TENM2: variants seen among roughly 807,000 people sequenced by gnomAD.
The protein encoded by TENM2 is teneurin transmembrane protein 2.
A neutral mutation model predicts 245.2 loss-of-function variants in TENM2; 52 were observed. The observed-to-expected ratio is 0.21, with a 90% CI of 0.17 to 0.27. The LOEUF (loss-of-function observed/expected upper bound fraction) is 0.27. Among genes scored for constraint, TENM2 ranks in the 10% least tolerant of loss-of-function variants. TENM2 has a pLI of 1.00. For synonymous variants in TENM2, 1,363 were observed against 1,438.9 expected (o/e 0.95, Z 1.19); for missense variants, 3,046 against 3,666.8 (o/e 0.83, Z 4.37).
intron 2 of TENM2, among the ~76,000 whole-genome samples, chr5:167,857,310 T>C (rs531475581): frequency 2.0e-5 from 3 of 152,348 alleles, no homozygotes; most frequent in East Asian, 1.9e-4. Flanking sequence ...CTGTTTTTCA[T>C]AGGACATGGC....
intron 4 of TENM2, among the ~76,000 whole-genome samples, chr5:167,978,986 C>T (rs796314591): frequency 9.9e-5 from 15 of 152,220 alleles, no homozygotes; most frequent in African/African-American, 3.4e-4. Flanking sequence ...TCAAAACATT[C>T]CTTGAAAGGG....
chr5:168,025,612 G>T (rs778694721), intron 5 of TENM2, among the ~76,000 whole-genome samples: 8 of 152,190 alleles, frequency 5.3e-5, no homozygotes, highest in African/African-American at 1.7e-4. Flanking sequence ...TACAGGTAGG[G>T]TTTCCTTCCA....
At chr5:167,852,348 G>A (rs1361638490) in intron 2 of TENM2, among the ~76,000 whole-genome samples, 2 of 152,180 alleles carry the variant, frequency 1.3e-5, no homozygotes, top group Non-Finnish European at 2.9e-5. Context: ...ATGAAGGAAA[G>A]GCTTTTTCTA....
intron 2 of TENM2, among the ~76,000 whole-genome samples, chr5:167,865,767 G>A (rs1373780879): frequency 6.6e-6 from 1 of 152,132 alleles, no homozygotes; most frequent in Non-Finnish European, 1.5e-5. Flanking sequence ...AGGCCACTTG[G>A]TTAAGGAAAA....
chr5:167,706,736 C>A (rs1758551166), intron 2 of TENM2, among the ~76,000 whole-genome samples: 1 of 151,974 alleles, frequency 6.6e-6, no homozygotes, highest in Non-Finnish European at 1.5e-5. Flanking sequence ...GTTGCCCGGC[C>A]GGGCGCGGTG....
the TENM2 span, among the ~76,000 whole-genome samples, chr5:167,170,812 C>T: frequency 6.6e-6 from 1 of 152,174 alleles, no homozygotes; most frequent in Non-Finnish European, 1.5e-5. Flanking sequence ...GGCCTGAGCG[C>T]AGTTCTCATC....
At chr5:168,184,135 G>A (rs1760182857) in intron 13 of TENM2, among the ~76,000 whole-genome samples, 1 of 152,154 alleles carries the variant, frequency 6.6e-6, no homozygotes, top group Admixed American at 6.5e-5. Flanking sequence ...AACTTTGCCT[G>A]TTCTTGAACA....
intron 2 of TENM2, among the ~76,000 whole-genome samples, chr5:167,840,067 C>A (rs553491719): frequency 4.6e-5 from 7 of 152,172 alleles, no homozygotes; most frequent in African/African-American, 1.7e-4. Context: ...GTGATCCACC[C>A]GCCTCGGCCT....
intron 3 of TENM2, among the ~76,000 whole-genome samples, chr5:167,915,000 A>G (rs1776822953): frequency 6.6e-6 from 1 of 152,226 alleles, no homozygotes; most frequent in Admixed American, 6.5e-5. Context: ...GGGTTAGGAC[A>G]TCAACATATC....
At chr5:167,068,325 T>C in the TENM2 span, among the ~76,000 whole-genome samples, 3 of 152,326 alleles carry the variant, frequency 2.0e-5, no homozygotes, top group African/African-American at 7.2e-5. Flanking sequence ...AGGACATCTG[T>C]GTTCTTTGTT....
chr5:167,592,069 G>A (rs1050092314), intron 2 of TENM2, among the ~76,000 whole-genome samples: 16 of 152,254 alleles, frequency 1.1e-4, no homozygotes, highest in Admixed American at 3.3e-4. Flanking sequence ...GAGGACAAGC[G>A]TTCATTCCTT....
the TENM2 span, among the ~76,000 whole-genome samples, chr5:167,010,680 G>T: frequency 1.1e-4 from 17 of 152,076 alleles, no homozygotes; most frequent in African/African-American, 4.1e-4. Flanking sequence ...ATTTCACCAT[G>T]GTGTTTTCCA....
intron 3 of TENM2, among the ~76,000 whole-genome samples, chr5:167,951,044 C>A (rs1440397430): frequency 1.3e-5 from 2 of 152,208 alleles, no homozygotes; most frequent in Non-Finnish European, 1.5e-5. Flanking sequence ...CCTGTTTCCT[C>A]CACATTTTTC....
At position 167,891,076 on chromosome 5, in the gene TENM2, T is replaced by G. The variant is rs951323777; in HGVS notation, c.712+14881T>G. Among the ~76,000 whole-genome samples the G allele has an allele frequency of 2.6e-5, 4 of 152,226 alleles. No homozygotes were observed. The East Asian group carries it at 5.8e-4, about 22-fold the overall frequency. On this transcript the variant is annotated intron_variant, in intron 3 of 28. Transcript: ENST00000518659. Reference sequence around the variant, plus strand: ...GTCTTTTTAAATTTTCTTAATGTACTCTATGTTTTGTAGGACTTGGTCTAC... The same window carrying G: ...GTCTTTTTAAATTTTCTTAATGTACGCTATGTTTTGTAGGACTTGGTCTAC...
intron 2 of TENM2, among the ~76,000 whole-genome samples, chr5:167,730,870 A>G (rs530316516): frequency 2.6e-5 from 4 of 152,178 alleles, no homozygotes; most frequent in Non-Finnish European, 5.9e-5. Context: ...TGCAACATGA[A>G]CTGCAGGATA....
Position 167,670,081 on chromosome 5 carries a change from C to A in TENM2, c.503-205905C>A, listed in dbSNP as rs76448567. 7.0e-3 allele frequency among the ~76,000 whole-genome samples: 1,064 copies of A among 152,208 alleles called. 9 individuals carry two copies. The highest frequency in any genetic ancestry group is 0.022 in the African/African-American group (926 of 41,554). ...ATTATTTTTTAAGTATCTCTTTCTACATTTAAATTAGTCTTTCCTCTGGGC... is the reference window on the plus strand; with the variant it reads ...ATTATTTTTTAAGTATCTCTTTCTAAATTTAAATTAGTCTTTCCTCTGGGC... On this transcript the variant is annotated intron_variant, in intron 2 of 28. Coordinates refer to ENST00000518659, the Ensembl canonical transcript of TENM2.
intron 1 of TENM2, among the ~76,000 whole-genome samples, chr5:167,310,484 A>T (rs1485772586): frequency 6.6e-6 from 1 of 152,214 alleles, no homozygotes; most frequent in Non-Finnish European, 1.5e-5. Flanking sequence ...TAAAAAAAGA[A>T]AAAAGCATTT....
intron 4 of TENM2, among the ~76,000 whole-genome samples, chr5:167,960,790 C>T (rs1003775008): frequency 6.6e-6 from 1 of 152,198 alleles, no homozygotes; most frequent in African/African-American, 2.4e-5. Context: ...CCCAAACGGC[C>T]ACCCAGTTTT....
chr5:168,012,741 A>G (rs2011893), intron 5 of TENM2, among the ~76,000 whole-genome samples: 7,832 of 140,938 alleles, frequency 0.056, 441 homozygotes, highest in African/African-American at 0.13. Context: ...TCAGTTAGGG[A>G]TACCTTTCAG....
Sources: allele counts gnomAD v4.1 joint callset (sites outside exome capture counted in the v4.1 genomes callset), GRCh38; gene constraint gnomAD v4.1.1; transcripts MANE v1.5; gene names NCBI Gene and HGNC (gene_info 2026-07-23, HGNC 2026-07-21).